Variants in RICTOR observed in about 807,000 individuals in gnomAD.
RICTOR encodes the protein rapamycin-insensitive companion of mTOR.
In RICTOR, 49 loss-of-function variants were observed where a neutral mutation model predicts 214.9. The ratio of observed to expected loss-of-function variants is 0.23; its 90% confidence interval spans 0.18 to 0.29. The LOEUF (loss-of-function observed/expected upper bound fraction) is 0.29. Ranked by LOEUF, RICTOR falls within the 10% of genes least tolerant of loss-of-function variation. RICTOR has a pLI of 1.00. For missense variants in RICTOR, 1,625 were observed against 2,047.0 expected, an observed-to-expected ratio of 0.79 and a Z score of 3.98; for synonymous variants, 717 against 711.3, an observed-to-expected ratio of 1.01 and a Z score of -0.13.
At position 38,939,243 on chromosome 5, in the gene RICTOR, T is replaced by C. The variant is rs1445537478; in HGVS notation, c.*3061A>G. The C allele has an allele frequency of 8.6e-6, 2 of 232,740 alleles. No individual in the cohort carries two copies. Among genetic ancestry groups the C allele is most frequent in the Non-Finnish European group, 1.7e-5 (2 of 117,616 alleles). 14.4% of individuals were successfully genotyped at this position (232,740 alleles called of 1,614,324 possible). A position where few individuals can be genotyped will look rare whatever the true frequency, so the allele number is the denominator to read the frequency against. On this transcript the variant is annotated 3_prime_UTR_variant, in exon 38 of 38. Coordinates refer to ENST00000357387, the MANE Select transcript of RICTOR (RefSeq NM_152756.5). ...ATCCCACTGCTGAACACTTGGCCGT[T>C]GTGATATGCCCTGAAAAACTCAGCT...
intron 33 of RICTOR, among the ~76,000 whole-genome samples, chr5:38,946,060 C>A (rs1748152760): frequency 6.6e-6 from 1 of 152,024 alleles, no homozygotes. Context: ...AGCTATAAAA[C>A]CTGTGGCTTA....
intron 2 of RICTOR, among the ~76,000 whole-genome samples, chr5:39,034,163 T>C (rs1178417894): frequency 6.6e-6 from 1 of 152,276 alleles, no homozygotes; most frequent in African/African-American, 2.4e-5. Context: ...CTTAAAATTC[T>C]ATTAAAAGCC....
At chr5:39,012,213 C>A (rs1435503620) in intron 3 of RICTOR, among the ~76,000 whole-genome samples, 1 of 152,126 alleles carries the variant, frequency 6.6e-6, no homozygotes, top group Non-Finnish European at 1.5e-5. Context: ...GGACTTCCTT[C>A]CCCCTTAAAA....
At chr5:38,989,865 G>T (rs1752453807) in intron 7 of RICTOR, among the ~76,000 whole-genome samples, 1 of 152,190 alleles carries the variant, frequency 6.6e-6, no homozygotes, top group East Asian at 1.9e-4. Flanking sequence ...TGTTAGAGAG[G>T]ATGTGAAGAA....
intron 22 of RICTOR, 35 bp from the exon 23 acceptor site, chr5:38,958,866 A>AAC (rs1554061893): frequency 4.2e-4 from 490 of 1,180,702 alleles, no homozygotes; most frequent in South Asian, 1.3e-3. Flanking sequence ...AAAAAAAAAA[A>AAC]AACTTCAGCA....
intron 19 of RICTOR, among the ~76,000 whole-genome samples, chr5:38,961,907 A>G (rs867763691): frequency 2.6e-5 from 4 of 152,030 alleles, no homozygotes; most frequent in African/African-American, 4.8e-5. Context: ...CGGGTTATGG[A>G]AGGTGTGGTT....
intron 11 of RICTOR, chr5:38,971,373 A>ATTTTTTTTTTTT (rs1561477192): frequency 9.9e-6 from 1 of 100,714 alleles, no homozygotes; most frequent in African/African-American, 3.2e-5. Flanking sequence ...TAACAACAGC[A>ATTTTTTTTTTTT]ATTTTTTTTT....
chr5:38,970,121 T>A (rs966032809), intron 11 of RICTOR: 4 of 152,202 alleles, frequency 2.6e-5, no homozygotes, highest in Non-Finnish European at 5.9e-5. Flanking sequence ...CTATACCACA[T>A]AACCTAGGTG....
intron 3 of RICTOR, among the ~76,000 whole-genome samples, chr5:39,019,517 C>G (rs2150133626): frequency 6.6e-6 from 1 of 152,238 alleles, no homozygotes; most frequent in East Asian, 1.9e-4. Context: ...ACAAATGGAA[C>G]AAGGCCTGGA....
intron 16 of RICTOR, among the ~76,000 whole-genome samples, chr5:38,963,776 C>T (rs1416656706): frequency 6.6e-6 from 1 of 151,882 alleles, no homozygotes; most frequent in Non-Finnish European, 1.5e-5. Flanking sequence ...TGGCCATAAT[C>T]TAACCCAGAG....
chr5:39,063,334 AGTTAAGGG>A (rs1758679792), intron 2 of RICTOR, among the ~76,000 whole-genome samples: 1 of 152,170 alleles, frequency 6.6e-6, no homozygotes, highest in Admixed American at 6.5e-5. Flanking sequence ...ATTCTTCAAT[AGTTAAGGG>A]ATTTATATCC....
intron 2 of RICTOR, among the ~76,000 whole-genome samples, chr5:39,035,657 G>A (rs546568086): frequency 1.6e-4 from 24 of 152,160 alleles, no homozygotes; most frequent in Non-Finnish European, 2.9e-4. Context: ...ACCACGGCAC[G>A]AGAACGTGAC....
Position 38,940,078 on chromosome 5 carries a change from G to C in RICTOR, c.*2226C>G, listed in dbSNP as rs539300048. On this transcript the variant is annotated 3_prime_UTR_variant, in exon 38 of 38. Coordinates refer to ENST00000357387, the MANE Select transcript of RICTOR (RefSeq NM_152756.5). ...AGCTCTGAGTATCTCCCCAAAGTAA[G>C]TGATATAGGCAGATATGATAAGGTA... The C allele has an allele frequency of 9.7e-6, 2 of 205,822 alleles. No individual in the cohort carries two copies. Among genetic ancestry groups the C allele is most frequent in the East Asian group, 7.0e-5 (1 of 14,386 alleles). The allele number at this position is 205,822 out of a possible 1,614,324, so 12.7% of individuals were successfully genotyped here.
At chr5:39,051,127 G>A (rs1009497130) in intron 2 of RICTOR, among the ~76,000 whole-genome samples, 5 of 152,016 alleles carry the variant, frequency 3.3e-5, no homozygotes, top group Middle Eastern at 3.4e-3. Flanking sequence ...ATATAATGCA[G>A]AGAAACTTAC....
chr5:39,032,396 A>G (rs1220384720), intron 2 of RICTOR, among the ~76,000 whole-genome samples: 1 of 152,232 alleles, frequency 6.6e-6, no homozygotes, highest in Non-Finnish European at 1.5e-5. Context: ...TCAATCAATT[A>G]CAATGGCAAG....
intron 3 of RICTOR, among the ~76,000 whole-genome samples, chr5:39,013,145 TTTAGCTAAGATGAATTAAGTTTGTTGAA>T (rs1435059909): frequency 4.6e-5 from 7 of 152,192 alleles, no homozygotes; most frequent in African/African-American, 1.7e-4. Flanking sequence ...TTCTTTATAT[TTTAGCTAAGATGAATTAAGTTTGTTGAA>T]TTTATTACTT....
chr5:38,977,741 G>C (rs1751362937), intron 9 of RICTOR, among the ~76,000 whole-genome samples: 1 of 151,546 alleles, frequency 6.6e-6, no homozygotes, highest in South Asian at 2.1e-4. Context: ...GAATACCCAT[G>C]CCCAGCTAAT....
At chr5:39,039,397 T>C (rs1043809663) in intron 2 of RICTOR, among the ~76,000 whole-genome samples, 4 of 152,130 alleles carry the variant, frequency 2.6e-5, no homozygotes, top group East Asian at 3.8e-4. Flanking sequence ...ATTCAGGACA[T>C]AGGCATGGGC....
chr5:38,958,873 A>G, intron 22 of RICTOR, 42 bp from the exon 23 acceptor site: 2 of 1,284,686 alleles, frequency 1.6e-6, no homozygotes, highest in South Asian at 1.8e-5. Context: ...AAAAAACTTC[A>G]GCATAAATAG....
Sources: gnomAD v4.1 joint callset for allele counts (sites outside exome capture counted in the v4.1 genomes callset) on GRCh38, gnomAD v4.1.1 for gene constraint, MANE v1.5 for transcripts, NCBI Gene and HGNC (gene_info 2026-07-23, HGNC 2026-07-21) for gene names.